The following KCNQ3 variants were observed in gnomAD, a reference collection of about 807,000 sequenced individuals.
The protein encoded by KCNQ3 is potassium voltage-gated channel subfamily Q member 3.
Under a neutral mutation model 92.5 loss-of-function variants are expected in KCNQ3, and 30 were observed. That is an observed-to-expected ratio of 0.32 (90% CI 0.24 to 0.44). The LOEUF (loss-of-function observed/expected upper bound fraction) is 0.44, where lower values mean the gene tolerates loss of function less well. Ranked by LOEUF, KCNQ3 falls within the 20% of genes least tolerant of loss-of-function variation. KCNQ3 has a pLI of 1.00. For synonymous variants in KCNQ3, 450 were observed against 468.8 expected, an observed-to-expected ratio of 0.96 and a Z score of 0.52; for missense variants, 913 against 1,140.3, an observed-to-expected ratio of 0.80 and a Z score of 2.87.
At chr8:132,224,081 ATTTTTTTTTTTTTTTTTT>A in intron 1 of KCNQ3, among the ~76,000 whole-genome samples, 1 of 39,474 alleles carries the variant, frequency 2.5e-5, no homozygotes, top group African/African-American at 8.3e-5. Flanking sequence ...ATGCCAGGCT[ATTTTTTTTTTTTTTTTTT>A]TTTTTTTTTT....
chr8:132,436,286 C>T (rs946179828), intron 1 of KCNQ3, among the ~76,000 whole-genome samples: 13 of 152,190 alleles, frequency 8.5e-5, no homozygotes, highest in Non-Finnish European at 1.5e-5. Flanking sequence ...AAGAGAGTTA[C>T]ATATATAACC....
intron 1 of KCNQ3, among the ~76,000 whole-genome samples, chr8:132,390,338 G>GC (rs1820018700): frequency 6.6e-6 from 1 of 152,184 alleles, no homozygotes; most frequent in African/African-American, 2.4e-5. Context: ...AGTAGAAAGG[G>GC]ACAGTGCAGC....
At chr8:132,406,381 A>G (rs1338704713) in intron 1 of KCNQ3, among the ~76,000 whole-genome samples, 1 of 152,210 alleles carries the variant, frequency 6.6e-6, no homozygotes, top group African/African-American at 2.4e-5. Flanking sequence ...TGTCCACTGA[A>G]TATCAACCTT....
At chr8:132,341,844 C>A (rs570158752) in intron 1 of KCNQ3, among the ~76,000 whole-genome samples, 1 of 152,302 alleles carries the variant, frequency 6.6e-6, no homozygotes, top group African/African-American at 2.4e-5. Context: ...GGCATCCATG[C>A]AGTTTTTACC....
intron 1 of KCNQ3, among the ~76,000 whole-genome samples, chr8:132,347,703 C>T (rs1249675644): frequency 3.3e-5 from 5 of 152,208 alleles, no homozygotes; most frequent in Non-Finnish European, 5.9e-5. Flanking sequence ...ACCGGCCGGG[C>T]GCAGTGGCTC....
At chr8:132,388,872 C>T (rs1484703018) in intron 1 of KCNQ3, among the ~76,000 whole-genome samples, 1 of 152,152 alleles carries the variant, frequency 6.6e-6, no homozygotes, top group South Asian at 2.1e-4. Context: ...AATCATCATG[C>T]AGTGGTTCTG....
intron 1 of KCNQ3, among the ~76,000 whole-genome samples, chr8:132,424,514 C>T (rs949991182): frequency 6.6e-6 from 1 of 152,196 alleles, no homozygotes; most frequent in Non-Finnish European, 1.5e-5. Context: ...GGCAAGAGCC[C>T]AGGGCTCTGG....
intron 1 of KCNQ3, among the ~76,000 whole-genome samples, chr8:132,476,930 G>A (rs1033852081): frequency 6.6e-6 from 1 of 152,176 alleles, no homozygotes; most frequent in Non-Finnish European, 1.5e-5. Context: ...GAGTCGCCTG[G>A]TGGGAGGTGA....
rs572470243 is a variant in KCNQ3 at position 132,458,406 on chromosome 8, CA to C, written c.386+21740del. ...TCTACATGTGTCATGCCTACATGCACAAAACCCGCCAATCAACTTTTTAAAA... is the reference window on the plus strand; with the variant it reads ...TCTACATGTGTCATGCCTACATGCACAAACCCGCCAATCAACTTTTTAAAA... On this transcript the variant is annotated intron_variant, in intron 1 of 14. Transcript: ENST00000388996. Among the ~76,000 whole-genome samples, 623 of 152,340 alleles carry C rather than the reference CA, an allele frequency of 4.1e-3. 4 individuals carry two copies. The highest frequency in any genetic ancestry group is 0.014 in the African/African-American group (583 of 41,596).
At chr8:132,385,267 C>T (rs1411661589) in intron 1 of KCNQ3, among the ~76,000 whole-genome samples, 1 of 152,266 alleles carries the variant, frequency 6.6e-6, no homozygotes, top group Non-Finnish European at 1.5e-5. Flanking sequence ...CAGCTCAGTG[C>T]TGCTTCCTTT....
At chr8:132,162,103 A>T (rs1000543430) in intron 9 of KCNQ3, among the ~76,000 whole-genome samples, 1 of 152,192 alleles carries the variant, frequency 6.6e-6, no homozygotes, top group Non-Finnish European at 1.5e-5. Flanking sequence ...TGAAAGGGAC[A>T]TGAGCAAGTT....
At chr8:132,251,216 A>G (rs1320556165) in intron 1 of KCNQ3, among the ~76,000 whole-genome samples, 1 of 152,160 alleles carries the variant, frequency 6.6e-6, no homozygotes, top group African/African-American at 2.4e-5. Flanking sequence ...GCAGTGAGCC[A>G]TGAGTGCACC....
chr8:132,324,641 T>C (rs1199877242), intron 1 of KCNQ3, among the ~76,000 whole-genome samples: 1 of 152,190 alleles, frequency 6.6e-6, no homozygotes, highest in African/African-American at 2.4e-5. Context: ...GTTGAGCACA[T>C]ACTATGTGCC....
At chr8:132,361,586 C>G (rs1385477565) in intron 1 of KCNQ3, among the ~76,000 whole-genome samples, 1 of 151,896 alleles carries the variant, frequency 6.6e-6, no homozygotes, top group South Asian at 2.1e-4. Context: ...CTAAACAGAA[C>G]ACTCAAAAAG....
At chr8:132,393,525 T>A (rs2130773978) in intron 1 of KCNQ3, among the ~76,000 whole-genome samples, 1 of 152,326 alleles carries the variant, frequency 6.6e-6, no homozygotes, top group Non-Finnish European at 1.5e-5. Flanking sequence ...GGGGCTGGCC[T>A]ATAGGACACA....
intron 1 of KCNQ3, among the ~76,000 whole-genome samples, chr8:132,193,717 C>T (rs1486516123): frequency 6.6e-6 from 1 of 152,178 alleles, no homozygotes; most frequent in Non-Finnish European, 1.5e-5. Context: ...CTGAGAGCAA[C>T]ACTGCGAGGA....
chr8:132,380,856 T>A (rs1468551156), intron 1 of KCNQ3, among the ~76,000 whole-genome samples: 1 of 145,730 alleles, frequency 6.9e-6, no homozygotes, highest in African/African-American at 2.6e-5. Context: ...AAGTCCCAGC[T>A]CATCACGACC....
chr8:132,308,580 C>T (rs959326969), intron 1 of KCNQ3, among the ~76,000 whole-genome samples: 2 of 152,188 alleles, frequency 1.3e-5, no homozygotes, highest in African/African-American at 4.8e-5. Context: ...TAAGGGAAAT[C>T]AGACACTGTG....
At chr8:132,299,451 A>C (rs1444530452) in intron 1 of KCNQ3, among the ~76,000 whole-genome samples, 1 of 152,162 alleles carries the variant, frequency 6.6e-6, no homozygotes, top group East Asian at 1.9e-4. Flanking sequence ...CAATTCTGAC[A>C]AACATCCAGG....
Sources: allele counts gnomAD v4.1 joint callset (sites outside exome capture counted in the v4.1 genomes callset), GRCh38; gene constraint gnomAD v4.1.1; transcripts MANE v1.5; gene names NCBI Gene and HGNC (gene_info 2026-07-23, HGNC 2026-07-21).